Variants in MYO10 observed in about 807,000 individuals in gnomAD.
The protein encoded by MYO10 is unconventional myosin-X.
MYO10 carries 133 observed loss-of-function variants against 257.3 expected under a neutral mutation model. The observed-to-expected ratio is 0.52, with a 90% CI of 0.45 to 0.60. The LOEUF is 0.60. Ranked by LOEUF, MYO10 falls within the 20% of genes least tolerant of loss-of-function variation. The probability of loss-of-function intolerance (pLI) is 0.00; values close to 1 mark genes in which losing one functional copy is unlikely to be tolerated. For missense variants in MYO10, 2,399 were observed against 2,635.7 expected (o/e 0.91, Z 1.97); for synonymous variants, 1,104 against 1,028.6 (o/e 1.07, Z -1.40).
chr5:16,674,879 G>A lies in MYO10; in HGVS notation c.4938C>T (p.Leu1646=). 1 of 1,613,890 alleles carries A rather than the reference G, an allele frequency of 6.2e-7. No homozygotes were observed. Among genetic ancestry groups the A allele is most frequent in the Non-Finnish European group, 8.5e-7 (1 of 1,179,874 alleles). The change falls in exon 35 of 41, where the codon CTC becomes CTT. Residue 1646 remains leucine, a synonymous_variant. Transcript: ENST00000513610. ...SCTFLPSRGI[L]KYLKFHLKRI... ...TTTTCAGATGGAACTTGAGATACTT[G>A]AGAATCCCTCGACTCGGCAGGAAGG...
At chr5:16,682,777 T>G (rs1737065565) in intron 30 of MYO10, among the ~76,000 whole-genome samples, 1 of 151,960 alleles carries the variant, frequency 6.6e-6, no homozygotes, top group Non-Finnish European at 1.5e-5. Flanking sequence ...CAGGCTAAAC[T>G]TGAGGTGCCC....
intron 2 of MYO10, among the ~76,000 whole-genome samples, chr5:16,825,285 T>C (rs1182384132): frequency 6.6e-6 from 1 of 152,198 alleles, no homozygotes; most frequent in Non-Finnish European, 1.5e-5. Flanking sequence ...TTCCTTATTC[T>C]ATCACGTGTG....
chr5:16,812,107 C>T (rs1389435790), intron 3 of MYO10, among the ~76,000 whole-genome samples: 1 of 152,186 alleles, frequency 6.6e-6, no homozygotes, highest in African/African-American at 2.4e-5. Flanking sequence ...CTCAAGGCAG[C>T]AAACCCATAG....
intron 2 of MYO10, among the ~76,000 whole-genome samples, chr5:16,875,087 C>T (rs889276334): frequency 1.3e-5 from 2 of 152,150 alleles, no homozygotes; most frequent in Non-Finnish European, 2.9e-5. Context: ...CAATTACCTC[C>T]CCCTGGGTCC....
chr5:16,811,355 G>A (rs1742435784), intron 3 of MYO10, among the ~76,000 whole-genome samples: 1 of 152,146 alleles, frequency 6.6e-6, no homozygotes, highest in Non-Finnish European at 1.5e-5. Context: ...AATCATCCTA[G>A]GTGGGGAACC....
intron 19 of MYO10, among the ~76,000 whole-genome samples, chr5:16,746,178 G>C (rs1740188591): frequency 6.6e-6 from 1 of 152,136 alleles, no homozygotes; most frequent in South Asian, 2.1e-4. Context: ...ACTTCCTGAG[G>C]CTGCCGTGGC....
intron 2 of MYO10, among the ~76,000 whole-genome samples, chr5:16,819,357 T>G (rs2126706121): frequency 6.6e-6 from 1 of 152,336 alleles, no homozygotes; most frequent in African/African-American, 2.4e-5. Context: ...CTCTTCGTCC[T>G]AAGTGATTTG....
At chr5:16,866,060 A>AC (rs1744240912) in intron 2 of MYO10, among the ~76,000 whole-genome samples, 1 of 133,130 alleles carries the variant, frequency 7.5e-6, no homozygotes, top group South Asian at 2.2e-4. Flanking sequence ...CACACACACA[A>AC]AACAATAGAG....
intron 3 of MYO10, among the ~76,000 whole-genome samples, chr5:16,803,314 G>T (rs2126689905): frequency 6.6e-6 from 1 of 152,086 alleles, no homozygotes; most frequent in East Asian, 1.9e-4. Context: ...TGTGGTCTCA[G>T]CTACTCAGGA....
In MYO10 at chr5:16,783,451, A is replaced by G; in HGVS notation, c.486T>C (p.Gly162=). 2 of 1,610,688 alleles carry G rather than the reference A, an allele frequency of 1.2e-6. No homozygotes were observed. The highest frequency in any genetic ancestry group is 3.3e-4 in the Middle Eastern group (2 of 6,062). ...GGATCAATTTAGTGCTTTCGGTTTT[A>G]CCTGCCCCACTTTCACCACTGAAAG... The part of the protein sequence containing the change: ...CILISGESGA[G]KTESTKLILK... The change falls in exon 5 of 41, where the codon GGT becomes GGC. Residue 162 remains glycine, a synonymous_variant. Coordinates refer to ENST00000513610, the MANE Select transcript of MYO10 (RefSeq NM_012334.3).
At chr5:16,742,613 A>G (rs1275267236) in intron 19 of MYO10, among the ~76,000 whole-genome samples, 1 of 151,924 alleles carries the variant, frequency 6.6e-6, no homozygotes, top group East Asian at 1.9e-4. Context: ...TGAGGTCAGG[A>G]GTTCGAGACC....
In MYO10 at chr5:16,720,263, C is replaced by T. The variant is rs564214151; in HGVS notation, c.1930-9018G>A. Reference sequence around the variant, plus strand: ...CAAACAAAGGAGCTGAGCATCACACCGACAGTAAGTCAATTGCCTTTACTG... The same window carrying T: ...CAAACAAAGGAGCTGAGCATCACACTGACAGTAAGTCAATTGCCTTTACTG... On this transcript the variant is annotated intron_variant, in intron 19 of 40. Transcript: ENST00000513610. 3.9e-5 allele frequency among the ~76,000 whole-genome samples: 6 copies of T among 152,070 alleles called. No homozygotes were observed. In the East Asian group the frequency reaches 7.7e-4, roughly 20 times the overall value.
In MYO10 at chr5:16,671,207, C is replaced by A. The variant is rs576900283; in HGVS notation, c.5430+215G>T. Among the ~76,000 whole-genome samples, 6 of 152,328 alleles carry A rather than the reference C, an allele frequency of 3.9e-5. No individual in the cohort carries two copies. In the East Asian group the frequency reaches 9.6e-4, roughly 24 times the overall value. On this transcript the variant is annotated intron_variant, in intron 38 of 40. Coordinates refer to ENST00000513610, the MANE Select transcript of MYO10 (RefSeq NM_012334.3). ...TATTTTATTCCTTGTGCTCTCTCTCCTGTCAACTAGAACAGTCCCTGGAAC... is the reference window on the plus strand; with the variant it reads ...TATTTTATTCCTTGTGCTCTCTCTCATGTCAACTAGAACAGTCCCTGGAAC...
rs1204668497 is a variant in MYO10 at position 16,783,306 on chromosome 5, T to C, written c.602+29A>G. ...ATACCATAAGGAAAGTGAATCCTAT[T>C]AGTTGGAAACAAGAAAATCAATAAA... On this transcript the variant is annotated intron_variant, in intron 5 of 40. Coordinates refer to ENST00000513610, the MANE Select transcript of MYO10 (RefSeq NM_012334.3). 5 of 1,532,682 alleles carry C rather than the reference T, an allele frequency of 3.3e-6. No individual in the cohort carries two copies. In the African/African-American group the frequency reaches 4.2e-5, roughly 13 times the overall value. The allele number at this position is 1,532,682 out of a possible 1,614,324, so 94.9% of individuals were successfully genotyped here. A position where few individuals can be genotyped will look rare whatever the true frequency, so the allele number is the denominator to read the frequency against.
chr5:16,883,707 G>A (rs1357396724), intron 1 of MYO10, among the ~76,000 whole-genome samples: 1 of 152,086 alleles, frequency 6.6e-6, no homozygotes, highest in African/African-American at 2.4e-5. Context: ...AAGATAAAGA[G>A]GATAGTATCA....
At chr5:16,736,613 A>G (rs1405094433) in intron 19 of MYO10, among the ~76,000 whole-genome samples, 1 of 152,210 alleles carries the variant, frequency 6.6e-6, no homozygotes, top group African/African-American at 2.4e-5. Flanking sequence ...AAAGCCTCTA[A>G]GAGCTGCAAC....
chr5:16,722,139 T>A (rs549813907), intron 19 of MYO10, among the ~76,000 whole-genome samples: 1 of 152,284 alleles, frequency 6.6e-6, no homozygotes, highest in African/African-American at 2.4e-5. Context: ...AAATGCTCCC[T>A]CCTGCGTAAA....
intron 19 of MYO10, among the ~76,000 whole-genome samples, chr5:16,750,184 C>T (rs1036265527): frequency 6.6e-6 from 1 of 152,142 alleles, no homozygotes; most frequent in African/African-American, 2.4e-5. Context: ...TGCAGACTGG[C>T]GTCTCTCGGG....
At chr5:16,911,996 T>C (rs761192748) in intron 1 of MYO10, among the ~76,000 whole-genome samples, 1 of 152,074 alleles carries the variant, frequency 6.6e-6, no homozygotes, top group African/African-American at 2.4e-5. Context: ...GATCATGCCA[T>C]TGCACTTCAG....
Sources: gnomAD v4.1 joint callset for allele counts (sites outside exome capture counted in the v4.1 genomes callset) on GRCh38, gnomAD v4.1.1 for gene constraint, MANE v1.5 for transcripts, NCBI Gene and HGNC (gene_info 2026-07-23, HGNC 2026-07-21) for gene names.